Variants in VPS33A observed in about 807,000 individuals in gnomAD.
VPS33A encodes vacuolar protein sorting-associated protein 33A.
In VPS33A, 32 loss-of-function variants were observed where a neutral mutation model predicts 71.8. That is an observed-to-expected ratio of 0.45 (90% CI 0.34 to 0.60). The LOEUF (loss-of-function observed/expected upper bound fraction) is 0.60, where lower values mean the gene tolerates loss of function less well. VPS33A is among the 20% of genes least tolerant of loss of function. The pLI is 0.02. For synonymous variants in VPS33A, 311 were observed against 292.7 expected (o/e 1.06, Z -0.64); for missense variants, 625 against 748.5 (o/e 0.84, Z 1.92).
Position 122,238,744 on chromosome 12 carries a change from C to T in VPS33A, c.1165-20G>A, listed in dbSNP as rs1954664212. The T allele has an allele frequency of 3.2e-6, 5 of 1,580,798 alleles. No individual in the cohort carries two copies. The highest frequency in any genetic ancestry group is 4.3e-6 in the Non-Finnish European group (5 of 1,155,662). ...GTTGACCTGGAAATAAAGTAGCATA[C>T]ATATACATATACATTTACATATACA... On this transcript the variant is annotated intron_variant, in intron 9 of 12. Transcript: ENST00000267199.
intron 10 of VPS33A, 60 bp downstream of exon 10, chr12:122,238,527 A>G (rs1954660383): frequency 6.4e-7 from 1 of 1,564,026 alleles, no homozygotes. Flanking sequence ...CGGCCCATGA[A>G]GTATTTTTTA....
rs1791082787 is a variant in VPS33A at position 122,235,895 on chromosome 12, A to G, written c.1331T>C (p.Leu444Ser). 1 of 1,613,540 alleles carries G rather than the reference A, an allele frequency of 6.2e-7. No individual in the cohort carries two copies. Among genetic ancestry groups the G allele is most frequent in the Non-Finnish European group, 8.5e-7 (1 of 1,179,832 alleles). Residue 444 changes from leucine to serine, a missense_variant, in exon 11 of 13, where the codon TTA (leucine) becomes TCA (serine). Physicochemically the swap from Leu to Ser is moderately radical, Grantham distance 145. Transcript: ENST00000267199. ...CAGGCCGGCCTTCTCCAGGTTGTGTAAGGTCAATATGTGCTCATAGCCGTA... is the reference window on the plus strand; with the variant it reads ...CAGGCCGGCCTTCTCCAGGTTGTGTGAGGTCAATATGTGCTCATAGCCGTA... ...QTYGYEHILT[L>S]HNLEKAGLLK...
chr12:122,256,269 T>C (rs1197256946), intron 4 of VPS33A, among the ~76,000 whole-genome samples: 4 of 151,960 alleles, frequency 2.6e-5, no homozygotes, highest in Non-Finnish European at 5.9e-5. Flanking sequence ...CTTCGAAGTA[T>C]TTTATTGGTA....
intron 11 of VPS33A, 146 bp downstream of exon 11, chr12:122,235,640 C>T (rs1954619783): frequency 1.9e-6 from 2 of 1,055,420 alleles, no homozygotes; most frequent in South Asian, 3.5e-5. Context: ...CTGATGGATA[C>T]AATACATGCA....
Position 122,250,808 on chromosome 12 carries a change from A to G in VPS33A, c.600+175T>C, listed in dbSNP as rs1251900751. ...CACTGTGCACGCCGACAAAAGCACCATGAGTACTGACTTGGAGGGTTATAA... is the reference window on the plus strand; with the variant it reads ...CACTGTGCACGCCGACAAAAGCACCGTGAGTACTGACTTGGAGGGTTATAA... On this transcript the variant is annotated intron_variant, in intron 5 of 12. Transcript: ENST00000267199. 3.3e-5 allele frequency among the ~76,000 whole-genome samples: 5 copies of G among 152,224 alleles called. No individual in the cohort carries two copies. The East Asian group carries it at 9.6e-4, about 29-fold the overall frequency.
Position 122,266,290 on chromosome 12 carries a change from T to C in VPS33A, c.102+17A>G, listed in dbSNP as rs754030331. 3.6e-5 allele frequency: 58 copies of C among 1,606,990 alleles called. No individual in the cohort carries two copies. The highest frequency in any genetic ancestry group is 4.7e-5 in the Non-Finnish European group (56 of 1,179,156). On this transcript the variant is annotated intron_variant, in intron 1 of 12. Transcript: ENST00000267199. ...CCAGGGGAGGCGAGGGCGGTGTCGCTGCCTCCCGCCCCTCACCTTGCTTCC... is the reference window on the plus strand; with the variant it reads ...CCAGGGGAGGCGAGGGCGGTGTCGCCGCCTCCCGCCCCTCACCTTGCTTCC...
intron 4 of VPS33A, chr12:122,252,914 A>C (rs764521726): frequency 1.3e-5 from 2 of 152,216 alleles, no homozygotes; most frequent in Non-Finnish European, 2.9e-5. Flanking sequence ...TTTTACAACC[A>C]TTATCCACTC....
intron 1 of VPS33A, 62 bp from the exon 2 acceptor site, chr12:122,264,261 T>A: frequency 7.7e-7 from 1 of 1,294,650 alleles, no homozygotes; most frequent in Non-Finnish European, 1.1e-6. Flanking sequence ...ACAATACCAA[T>A]AAAAAATAGC....
chr12:122,238,973 C>T (rs1295349718), intron 9 of VPS33A, among the ~76,000 whole-genome samples: 1 of 145,610 alleles, frequency 6.9e-6, no homozygotes, highest in Non-Finnish European at 1.5e-5. Flanking sequence ...CACACACACA[C>T]ACCCCACACA....
chr12:122,249,210 T>G (rs1592921291), intron 6 of VPS33A: 1 of 152,332 alleles, frequency 6.6e-6, no homozygotes, highest in African/African-American at 2.4e-5. Flanking sequence ...CCACATTTAT[T>G]ATTTTGATGG....
chr12:122,244,695 G>A lies in VPS33A; in HGVS notation c.843C>T (p.Pro281=), dbSNP rs148599993. The change falls in exon 7 of 13, where the codon CCC becomes CCT. Residue 281 remains proline (P), a synonymous_variant. Transcript: ENST00000267199. ...TCAGCTGCAGCTTCTTTGCTTCCGT[G>A]GGGAGGTCCTTACCACCATCGCCCT... ...KKQGDGGKDL[P]TEAKKLQLNS... is the part of the protein sequence containing the mutation. 4.3e-6 allele frequency: 7 copies of A among 1,614,116 alleles called. No individual in the cohort carries two copies. The highest frequency in any genetic ancestry group is 5.1e-6 in the Non-Finnish European group (6 of 1,180,020).
chr12:122,239,800 G>C, intron 9 of VPS33A, 78 bp downstream of exon 9: 1 of 567,220 alleles, frequency 1.8e-6, no homozygotes, highest in Non-Finnish European at 2.8e-6. Flanking sequence ...GGGAATCAAA[G>C]CAATTGGTTT....
At chr12:122,249,807 T>C in intron 6 of VPS33A, 64 bp downstream of exon 6, 2 of 1,448,344 alleles carry the variant, frequency 1.4e-6, no homozygotes, top group Non-Finnish European at 1.9e-6. Flanking sequence ...ATACAAACAG[T>C]AGCCTCCACA....
In VPS33A at chr12:122,242,488, G is replaced by A. The variant is rs751944294; in HGVS notation, c.990C>T (p.Thr330=). The change falls in exon 8 of 13, where the codon ACC becomes ACT. Residue 330 remains threonine (T), a synonymous_variant. Coordinates refer to ENST00000267199, the MANE Select transcript of VPS33A (RefSeq NM_022916.6). The part of the protein sequence containing the change: ...AAFEERHNAK[T]VGEIKQFVSQ... ...AAACAAACTGCTTGATCTCCCCCAC[G>A]GTCTTAGCATTGTGTCTTTCCTGAA... 1.4e-5 allele frequency: 23 copies of A among 1,613,772 alleles called. No individual in the cohort carries two copies. The highest frequency in any genetic ancestry group is 8.8e-5 in the South Asian group (8 of 91,074).
At chr12:122,263,851 A>C in intron 2 of VPS33A, 152 bp from the exon 3 acceptor site, 1 of 1,011,990 alleles carries the variant, frequency 9.9e-7, no homozygotes, top group Non-Finnish European at 1.4e-6. Context: ...ATAAAGGACA[A>C]AGTTTCAGTA....
chr12:122,264,267 A>G (rs1955037962), intron 1 of VPS33A, 68 bp from the exon 2 acceptor site: 1 of 1,241,150 alleles, frequency 8.1e-7, no homozygotes, highest in Admixed American at 2.1e-5. Flanking sequence ...CCAATAAAAA[A>G]TAGCCTAACA....
In VPS33A at chr12:122,244,745, G is replaced by C; in HGVS notation, c.793C>G (p.Pro265Ala). ...GIQNSYVKLP[P>A]EKFAPKKQGD... ...TGTTTCTTAGGTGCAAATTTCTCTG[G>C]AGGTAATTTCACATAACCTGAGCAG... is the stretch of plus-strand genomic sequence containing the variant. Residue 265 changes from proline (P) to alanine (A), a missense_variant, in exon 7 of 13, where the codon CCA (proline) becomes GCA (alanine). Physicochemically the swap from Pro to Ala is conservative, Grantham distance 27. Coordinates refer to ENST00000267199, the MANE Select transcript of VPS33A (RefSeq NM_022916.6). 1 of 1,613,538 alleles carries C rather than the reference G, an allele frequency of 6.2e-7. No individual in the cohort carries two copies. The highest frequency in any genetic ancestry group is 1.7e-5 in the Admixed American group (1 of 59,992).
chr12:122,241,534 A>C (rs577196763), intron 8 of VPS33A, among the ~76,000 whole-genome samples: 1 of 149,192 alleles, frequency 6.7e-6, no homozygotes, highest in Non-Finnish European at 1.5e-5. Flanking sequence ...CGAATGCCTG[A>C]CCTCAGGCGA....
chr12:122,264,554 C>T (rs1431613922), intron 1 of VPS33A, among the ~76,000 whole-genome samples: 1 of 151,964 alleles, frequency 6.6e-6, no homozygotes, highest in African/African-American at 2.4e-5. Context: ...CCATGCCTGG[C>T]CAATTTTTGT....
Sources: allele counts gnomAD v4.1 joint callset (sites outside exome capture counted in the v4.1 genomes callset), GRCh38; gene constraint gnomAD v4.1.1; transcripts MANE v1.5; gene names NCBI Gene and HGNC (gene_info 2026-07-23, HGNC 2026-07-21).